The following CNOT8 variants were observed in gnomAD, a reference collection of about 807,000 sequenced individuals.
CNOT8 encodes the protein CCR4-NOT transcription complex subunit 8.
A neutral mutation model predicts 34.6 loss-of-function variants in CNOT8; 18 were observed. That is an observed-to-expected ratio of 0.52 (90% CI 0.36 to 0.77). The LOEUF (loss-of-function observed/expected upper bound fraction) is 0.77, where lower values mean the gene tolerates loss of function less well. Ranked by LOEUF, CNOT8 falls within the 30% of genes least tolerant of loss-of-function variation. The pLI is 0.00. For missense variants in CNOT8, 189 were observed against 347.9 expected (o/e 0.54, Z 3.63); for synonymous variants, 101 against 118.8 (o/e 0.85, Z 0.98).
At chr5:154,864,683 A>G (rs1561680510) in intron 2 of CNOT8, among the ~76,000 whole-genome samples, 1 of 152,136 alleles carries the variant, frequency 6.6e-6, no homozygotes. Context: ...CATTCTGCTT[A>G]TTTAGGATCA....
At chr5:154,860,525 C>T (rs1761232120) in intron 1 of CNOT8, among the ~76,000 whole-genome samples, 1 of 152,144 alleles carries the variant, frequency 6.6e-6, no homozygotes, top group Admixed American at 6.6e-5. Flanking sequence ...CCAGGCTGGT[C>T]TCGAACTCCT....
At chr5:154,863,590 C>G (rs1761566347) in intron 2 of CNOT8, among the ~76,000 whole-genome samples, 195 bp downstream of exon 2, 1 of 152,116 alleles carries the variant, frequency 6.6e-6, no homozygotes, top group African/African-American at 2.4e-5. Context: ...CCACTATGCC[C>G]AGCTTGACTC....
chr5:154,863,309 G>A lies in CNOT8; in HGVS notation c.31G>A (p.Val11Ile). MPAALVENSQ[V>I]ICEVWASNLE... Reference sequence around the variant, plus strand: ...TGCAGCACTTGTGGAGAATAGCCAGGTTATCTGTGAAGTGTGGGCCAGTAA... The same window carrying A: ...TGCAGCACTTGTGGAGAATAGCCAGATTATCTGTGAAGTGTGGGCCAGTAA... The change falls in exon 2 of 7, where the codon GTT (valine) becomes ATT (isoleucine). Residue 11 changes from valine (V) to isoleucine (I), a missense_variant. Val to Ile is a conservative substitution (Grantham distance 29, BLOSUM62 3). Around this residue, in one of 2 missense-constraint regions of CNOT8, gnomAD observed 160 missense variants for 321.9 expected, o/e 0.50. Transcript: ENST00000285896. 1 of 1,614,112 alleles carries A rather than the reference G, an allele frequency of 6.2e-7. No homozygotes were observed. Among genetic ancestry groups the A allele is most frequent in the Non-Finnish European group, 8.5e-7 (1 of 1,179,982 alleles).
chr5:154,871,444 A>G (rs1418732941), intron 4 of CNOT8, among the ~76,000 whole-genome samples: 1 of 151,606 alleles, frequency 6.6e-6, no homozygotes, highest in Non-Finnish European at 1.5e-5. Context: ...CTGTAATCCC[A>G]GCTACTTGGG....
chr5:154,862,550 T>C (rs895214210), intron 1 of CNOT8, among the ~76,000 whole-genome samples: 2 of 152,216 alleles, frequency 1.3e-5, no homozygotes, highest in African/African-American at 4.8e-5. Flanking sequence ...TGGGATTGTT[T>C]TTTAGCACTT....
At position 154,875,461 on chromosome 5, in the gene CNOT8, G is replaced by A; in HGVS notation, c.*22G>A. On this transcript the variant is annotated 3_prime_UTR_variant, in exon 7 of 7. Coordinates refer to ENST00000285896, the MANE Select transcript of CNOT8 (RefSeq NM_001301073.2). ...GTGATGGCGCCAGGCTCTGCAGGGTGGGCCTGATCCCAGAGTGGTGCTTAC... is the reference window on the plus strand; with the variant it reads ...GTGATGGCGCCAGGCTCTGCAGGGTAGGCCTGATCCCAGAGTGGTGCTTAC... 1.9e-6 allele frequency: 3 copies of A among 1,611,592 alleles called. No homozygotes were observed. The highest frequency in any genetic ancestry group is 2.5e-6 in the Non-Finnish European group (3 of 1,179,580).
At chr5:154,863,617 G>A (rs1212030443) in intron 2 of CNOT8, among the ~76,000 whole-genome samples, 1 of 152,128 alleles carries the variant, frequency 6.6e-6, no homozygotes, top group Non-Finnish European at 1.5e-5. Context: ...TTATATGGAT[G>A]GGTTTAGGGA....
intron 3 of CNOT8, among the ~76,000 whole-genome samples, chr5:154,868,920 C>G (rs1173132124): frequency 6.6e-6 from 1 of 152,090 alleles, no homozygotes; most frequent in Non-Finnish European, 1.5e-5. Context: ...CTACTTCAGC[C>G]TCTGGGTCTT....
intron 3 of CNOT8, among the ~76,000 whole-genome samples, chr5:154,866,903 ACT>A (rs1761947757): frequency 6.6e-6 from 1 of 151,898 alleles, no homozygotes; most frequent in South Asian, 2.1e-4. Context: ...ACAGAATGAG[ACT>A]CTGCCTCAAG....
At position 154,870,826 on chromosome 5, in the gene CNOT8, A is replaced by C. The variant is rs1370864717; in HGVS notation, c.473+4A>C. 8.7e-6 allele frequency: 14 copies of C among 1,601,474 alleles called. No homozygotes were observed. The highest frequency in any genetic ancestry group is 1.2e-5 in the Non-Finnish European group (14 of 1,174,344). On this transcript the variant is annotated splice_donor_region_variant and intron_variant, in intron 4 of 6. Transcript: ENST00000285896. ...TCAAATGGCTTTCATTTCATAGGTC[A>C]GTCCTAGGGAATGTGTATTTCTCTC...
intron 3 of CNOT8, among the ~76,000 whole-genome samples, chr5:154,866,917 A>AAAAG (rs1317009670): frequency 6.6e-6 from 1 of 152,184 alleles, no homozygotes; most frequent in Non-Finnish European, 1.5e-5. Context: ...TGCCTCAAGA[A>AAAAG]AAAGAAAAAA....
At chr5:154,862,630 ATTGT>A (rs1219851305) in intron 1 of CNOT8, among the ~76,000 whole-genome samples, 1 of 152,190 alleles carries the variant, frequency 6.6e-6, no homozygotes, top group Non-Finnish European at 1.5e-5. Context: ...AGGCACTGGT[ATTGT>A]TTATTACCTC....
At chr5:154,862,241 G>C (rs1761416669) in intron 1 of CNOT8, among the ~76,000 whole-genome samples, 1 of 149,896 alleles carries the variant, frequency 6.7e-6, no homozygotes, top group Non-Finnish European at 1.5e-5. Flanking sequence ...AGTAAATACT[G>C]GCCGGTGGAT....
chr5:154,865,421 T>C (rs977213205), intron 3 of CNOT8, 36 bp downstream of exon 3: 12 of 1,503,482 alleles, frequency 8.0e-6, no homozygotes, highest in Non-Finnish European at 1.1e-5. Flanking sequence ...TAATTTTAAG[T>C]TTTGTTTTCA....
chr5:154,863,511 C>T lies in CNOT8; in HGVS notation c.117+116C>T, dbSNP rs926162903. ...CAGATGCAATCATAGCTCACTGCAG[C>T]CTTGAACTCCTGGGCTCAAGCAGTC... On this transcript the variant is annotated intron_variant, in intron 2 of 6. Coordinates refer to ENST00000285896, the MANE Select transcript of CNOT8 (RefSeq NM_001301073.2). The T allele has an allele frequency of 1.1e-5, 8 of 754,080 alleles. No homozygotes were observed. The South Asian group carries it at 1.2e-4, about 11-fold the overall frequency. The allele number at this position is 754,080 out of a possible 1,614,324, so 46.7% of individuals were successfully genotyped here.
chr5:154,859,845 C>G (rs1761153685), intron 1 of CNOT8: 1 of 152,226 alleles, frequency 6.6e-6, no homozygotes, highest in African/African-American at 2.4e-5. Flanking sequence ...CAGGTCAACA[C>G]AGAGCAGGGA....
chr5:154,871,003 G>A (rs1268541588), intron 4 of CNOT8, among the ~76,000 whole-genome samples, 181 bp downstream of exon 4: 5 of 152,096 alleles, frequency 3.3e-5, no homozygotes, highest in Non-Finnish European at 5.9e-5. Flanking sequence ...TCATATACTG[G>A]TTTGTTTCAC....
intron 3 of CNOT8, chr5:154,867,695 T>C: frequency 3.5e-6 from 1 of 281,812 alleles, no homozygotes; most frequent in Non-Finnish European, 7.1e-6. Flanking sequence ...TCACTAGATA[T>C]AAGAAAGAAA....
Position 154,871,763 on chromosome 5 carries a change from T to G in CNOT8, c.507T>G (p.Leu169=). The G allele has an allele frequency of 6.2e-7, 1 of 1,614,072 alleles. No individual in the cohort carries two copies. The highest frequency in any genetic ancestry group is 8.5e-7 in the Non-Finnish European group (1 of 1,179,958). The change falls in exon 5 of 7, where the codon CTT becomes CTG. Residue 169 remains leucine (L), a synonymous_variant. Coordinates refer to ENST00000285896, the MANE Select transcript of CNOT8 (RefSeq NM_001301073.2). ...GYDFGYMVKL[L]TDSRLPEEEH... is the part of the protein sequence containing the mutation. ...ATTTTGGCTATATGGTAAAGTTGCT[T>G]ACAGATTCTCGTTTGCCAGAAGAGG...
Sources: gnomAD v4.1 joint callset for allele counts (sites outside exome capture counted in the v4.1 genomes callset) on GRCh38, gnomAD v4.1.1 for gene constraint, gnomAD v4.1.1 regional missense constraint, MANE v1.5 for transcripts, NCBI Gene and HGNC (gene_info 2026-07-23, HGNC 2026-07-21) for gene names.